Variants in IDO2 observed in about 807,000 individuals in gnomAD.
IDO2 encodes the protein indoleamine 2,3-dioxygenase 2.
In IDO2, 46 loss-of-function variants were observed where a neutral mutation model predicts 45.1. That is an observed-to-expected ratio of 1.02 (90% CI 0.80 to 1.30). The LOEUF is 1.30. Ranked by LOEUF, IDO2 falls within the 50% of genes most tolerant of loss-of-function variation. The pLI, the probability that IDO2 is intolerant of heterozygous loss-of-function variation, is 0.00. For missense variants in IDO2, 544 were observed against 491.8 expected, an observed-to-expected ratio of 1.11 and a Z score of -1.00; for synonymous variants, 218 against 184.9, an observed-to-expected ratio of 1.18 and a Z score of -1.45.
chr8:39,989,926 GA>G, intron 8 of IDO2, 88 bp downstream of exon 8: 2 of 754,572 alleles, frequency 2.7e-6, no homozygotes, highest in Non-Finnish European at 4.3e-6. Context: ...GGCATGTCCT[GA>G]AGGGGGTGAT....
rs146148248 is a variant in IDO2, at chr8:39,976,923, T to G, written c.196-2144T>G. On this transcript the variant is annotated intron_variant, in intron 3 of 10. Transcript: ENST00000502986. ...TAATTTTGTGCTCATGTCCTCAAAG[T>G]CATTTACAATTCAGAACAAATTGAC... is the stretch of plus-strand genomic sequence containing the variant. Among the ~76,000 whole-genome samples the G allele has an allele frequency of 3.3e-5, 5 of 152,332 alleles. No individual in the cohort carries two copies. The East Asian group carries it at 9.6e-4, about 29-fold the overall frequency.
intron 1 of IDO2, among the ~76,000 whole-genome samples, chr8:39,938,378 A>G (rs1398622394): frequency 6.6e-6 from 1 of 152,152 alleles, no homozygotes; most frequent in Non-Finnish European, 1.5e-5. Flanking sequence ...TCTGTAAATG[A>G]ATTTTATAAA....
chr8:39,989,835 C>A (rs1474262390), exon 8 of IDO2: 2 of 1,582,178 alleles, frequency 1.3e-6, no homozygotes, highest in Non-Finnish European at 8.6e-7. Context: ...AGGACAGATG[C>A]ATGGTAAGAT....
intron 10 of IDO2, among the ~76,000 whole-genome samples, chr8:40,014,074 C>G (rs1236831813): frequency 2.6e-5 from 4 of 152,136 alleles, no homozygotes; most frequent in Admixed American, 6.5e-5. Flanking sequence ...GGTCTGGGAT[C>G]TTCCAAGAAA....
At chr8:39,965,073 A>G (rs1808064892) in intron 3 of IDO2, among the ~76,000 whole-genome samples, 1 of 152,266 alleles carries the variant, frequency 6.6e-6, no homozygotes, top group Non-Finnish European at 1.5e-5. Context: ...TTTAACTGCC[A>G]TAAAGGAAGA....
intron 8 of IDO2, among the ~76,000 whole-genome samples, chr8:40,001,170 T>TTCTC (rs140987115): frequency 1.3e-5 from 2 of 149,732 alleles, no homozygotes; most frequent in Non-Finnish European, 3.0e-5. Context: ...AATCTCTTCT[T>TTCTC]TCTCTCTCTC....
intron 1 of IDO2, among the ~76,000 whole-genome samples, chr8:39,942,858 C>T (rs1807665748): frequency 6.6e-6 from 1 of 151,810 alleles, no homozygotes; most frequent in South Asian, 2.1e-4. Flanking sequence ...TATAATATTA[C>T]AGGAAATTCT....
intron 8 of IDO2, among the ~76,000 whole-genome samples, chr8:40,001,539 C>T (rs1387274164): frequency 2.6e-5 from 4 of 151,646 alleles, no homozygotes; most frequent in East Asian, 3.9e-4. Context: ...TGAGCCACTG[C>T]GCCCAGCCAT....
intron 9 of IDO2, among the ~76,000 whole-genome samples, chr8:40,013,169 C>A (rs1262607567): frequency 6.6e-6 from 1 of 152,020 alleles, no homozygotes; most frequent in Non-Finnish European, 1.5e-5. Flanking sequence ...TAAAAAGTAT[C>A]TGCTCATCAA....
chr8:39,999,451 G>C (rs1447537082), intron 8 of IDO2, among the ~76,000 whole-genome samples: 2 of 151,806 alleles, frequency 1.3e-5, no homozygotes, highest in African/African-American at 4.8e-5. Context: ...GCTAATTTTT[G>C]TATTTTTAGT....
At chr8:40,014,360 T>C (rs762264888) in intron 10 of IDO2, among the ~76,000 whole-genome samples, 1 of 152,218 alleles carries the variant, frequency 6.6e-6, no homozygotes, top group Non-Finnish European at 1.5e-5. Context: ...AATGGTTGAT[T>C]TACTTACCAT....
Position 39,985,087 on chromosome 8 carries a change from A to G in IDO2, c.435-421A>G, listed in dbSNP as rs1429868455. 5 of 305,670 alleles carry G rather than the reference A, an allele frequency of 1.6e-5. No homozygotes were observed. In the Admixed American group the frequency reaches 2.4e-4, roughly 15 times the overall value. The allele number at this position is 305,670 out of a possible 1,614,324, so 18.9% of individuals were successfully genotyped here. On this transcript the variant is annotated intron_variant, in intron 5 of 10. Coordinates refer to ENST00000502986, the Ensembl canonical transcript of IDO2. Reference sequence around the variant, plus strand: ...GCTGGGATTGCAGGCACCTACCACCACACCCGACTAATTTTTGTATTTTTA... The same window carrying G: ...GCTGGGATTGCAGGCACCTACCACCGCACCCGACTAATTTTTGTATTTTTA...
chr8:39,993,438 T>A (rs971793922), intron 8 of IDO2, among the ~76,000 whole-genome samples: 6 of 152,198 alleles, frequency 3.9e-5, no homozygotes, highest in African/African-American at 1.4e-4. Flanking sequence ...TTAGCAGTAA[T>A]GAGGAGTCGA....
intron 2 of IDO2, among the ~76,000 whole-genome samples, chr8:39,962,153 A>G (rs899219774): frequency 2.0e-5 from 3 of 152,180 alleles, no homozygotes; most frequent in Admixed American, 2.0e-4. Flanking sequence ...AATTCGGACT[A>G]TGTCTTACTT....
chr8:39,951,704 T>C (rs1381505610), intron 2 of IDO2, among the ~76,000 whole-genome samples: 1 of 152,172 alleles, frequency 6.6e-6, no homozygotes, highest in African/African-American at 2.4e-5. Flanking sequence ...CTCCACTCTA[T>C]ACATCTAACC....
At chr8:39,995,883 C>T (rs1038593236) in intron 8 of IDO2, among the ~76,000 whole-genome samples, 2 of 152,104 alleles carry the variant, frequency 1.3e-5, no homozygotes, top group Non-Finnish European at 2.9e-5. Flanking sequence ...GCGGTAACGC[C>T]CGCGTCTGGG....
At chr8:39,934,904 A>T in exon 1 of IDO2, 1 of 544,538 alleles carries the variant, frequency 1.8e-6, no homozygotes, top group South Asian at 2.2e-5. Flanking sequence ...GTAAGGGATC[A>T]TTTGCTGGTG....
intron 9 of IDO2, among the ~76,000 whole-genome samples, chr8:40,011,987 C>T (rs144376179): frequency 3.0e-4 from 45 of 152,286 alleles, no homozygotes; most frequent in African/African-American, 1.0e-3. Flanking sequence ...GCCCCAATTG[C>T]GGAGGCCACT....
chr8:39,998,954 C>G (rs1222185071), intron 8 of IDO2, among the ~76,000 whole-genome samples: 6 of 151,746 alleles, frequency 4.0e-5, no homozygotes, highest in Admixed American at 2.6e-4. Flanking sequence ...CATGTTAATG[C>G]TTCTAAAGTT....
Sources: gnomAD v4.1 joint callset for allele counts (sites outside exome capture counted in the v4.1 genomes callset) on GRCh38, gnomAD v4.1.1 for gene constraint, MANE v1.5 for transcripts, NCBI Gene and HGNC (gene_info 2026-07-23, HGNC 2026-07-21) for gene names.